Variants in PIK3C2A observed in about 807,000 individuals in gnomAD.
PIK3C2A encodes phosphatidylinositol 4-phosphate 3-kinase C2 domain-containing subunit alpha.
Under a neutral mutation model 204.5 loss-of-function variants are expected in PIK3C2A, and 97 were observed. The observed-to-expected ratio is 0.47, with a 90% confidence interval of 0.40 to 0.56. The LOEUF (loss-of-function observed/expected upper bound fraction) is 0.56. Among genes scored for constraint, PIK3C2A ranks in the 20% least tolerant of loss-of-function variants. The probability of loss-of-function intolerance (pLI) is 0.00; values close to 1 mark genes in which losing one functional copy is unlikely to be tolerated. For synonymous variants in PIK3C2A, 653 were observed against 664.4 expected (o/e 0.98, Z 0.26); for missense variants, 1,735 against 1,969.2 (o/e 0.88, Z 2.25).
At chr11:17,183,939 A>T (rs76968611) in intron 1 of PIK3C2A, among the ~76,000 whole-genome samples, 7 of 125,256 alleles carry the variant, frequency 5.6e-5, no homozygotes, top group Middle Eastern at 3.8e-3. Flanking sequence ...AACCCTCTTT[A>T]AAAAAAAAAA....
At chr11:17,151,450 CTGT>C (rs1850424462) in intron 3 of PIK3C2A, among the ~76,000 whole-genome samples, 1 of 152,108 alleles carries the variant, frequency 6.6e-6, no homozygotes, top group African/African-American at 2.4e-5. Flanking sequence ...ATACTTGCTT[CTGT>C]AGAGATTAAA....
At chr11:17,196,516 T>C (rs777630458) in intron 1 of PIK3C2A, among the ~76,000 whole-genome samples, 5 of 152,002 alleles carry the variant, frequency 3.3e-5, no homozygotes, top group Non-Finnish European at 4.4e-5. Flanking sequence ...GTAAATGAAA[T>C]AGGAGAAAAG....
intron 1 of PIK3C2A, among the ~76,000 whole-genome samples, chr11:17,179,872 A>C (rs556923081): frequency 4.6e-5 from 7 of 152,268 alleles, no homozygotes; most frequent in Non-Finnish European, 5.9e-5. Context: ...CAGCCTCCCA[A>C]ATCACTGGGA....
intron 1 of PIK3C2A, among the ~76,000 whole-genome samples, chr11:17,201,780 C>G (rs758072444): frequency 3.8e-4 from 58 of 151,982 alleles, no homozygotes; most frequent in Non-Finnish European, 7.6e-4. Flanking sequence ...TTTTCTTTCC[C>G]GTAACAAATT....
intron 32 of PIK3C2A, among the ~76,000 whole-genome samples, chr11:17,090,170 A>G (rs1011592111): frequency 2.6e-5 from 4 of 152,200 alleles, no homozygotes; most frequent in Non-Finnish European, 5.9e-5. Context: ...ATCATTAGCT[A>G]AAAAATAAAA....
chr11:17,158,590 T>C (rs1850678451), intron 2 of PIK3C2A, among the ~76,000 whole-genome samples: 1 of 152,000 alleles, frequency 6.6e-6, no homozygotes, highest in South Asian at 2.1e-4. Context: ...ATCACCATGC[T>C]AATCTGTCTC....
chr11:17,184,970 AAAAT>A (rs1306274962), intron 1 of PIK3C2A, among the ~76,000 whole-genome samples: 1 of 152,046 alleles, frequency 6.6e-6, no homozygotes, highest in East Asian at 1.9e-4. Flanking sequence ...TAAAAAGAAA[AAAAT>A]ATATATTTTT....
chr11:17,101,888 C>T (rs941371447), intron 24 of PIK3C2A, among the ~76,000 whole-genome samples: 2 of 151,900 alleles, frequency 1.3e-5, no homozygotes, highest in African/African-American at 4.8e-5. Context: ...CAGGCGTGAG[C>T]CACTGCACCC....
chr11:17,092,099 TTAAA>T, intron 29 of PIK3C2A, 31 bp from the exon 30 acceptor site: 1 of 1,531,704 alleles, frequency 6.5e-7, no homozygotes, highest in Non-Finnish European at 9.0e-7. Context: ...ATTCATTAGT[TTAAA>T]TATTATGTAA....
intron 1 of PIK3C2A, among the ~76,000 whole-genome samples, chr11:17,183,510 T>C (rs1353009601): frequency 6.6e-6 from 1 of 151,902 alleles, no homozygotes; most frequent in African/African-American, 2.4e-5. Flanking sequence ...ACCCCGTCTC[T>C]ACTAAAAATA....
chr11:17,117,440 G>C (rs376094273), intron 19 of PIK3C2A, 51 bp downstream of exon 19: 28 of 1,295,348 alleles, frequency 2.2e-5, no homozygotes, highest in Middle Eastern at 1.9e-4. Context: ...GCACCATAAA[G>C]ATCCTTCCTT....
intron 22 of PIK3C2A, 113 bp from the exon 23 acceptor site, chr11:17,105,418 G>T: frequency 1.2e-6 from 1 of 838,856 alleles, no homozygotes; most frequent in Non-Finnish European, 1.8e-6. Flanking sequence ...TGGGATACAC[G>T]TGCAGAATGT....
At chr11:17,121,380 G>C (rs570969585) in intron 15 of PIK3C2A, among the ~76,000 whole-genome samples, 1 of 152,236 alleles carries the variant, frequency 6.6e-6, no homozygotes, top group South Asian at 2.1e-4. Flanking sequence ...GCCTTCCAAA[G>C]TGTCAAGAGT....
At chr11:17,143,065 A>T (rs1850118050) in intron 8 of PIK3C2A, among the ~76,000 whole-genome samples, 1 of 151,872 alleles carries the variant, frequency 6.6e-6, no homozygotes, top group South Asian at 2.1e-4. Context: ...GATGATTTCC[A>T]AGTTTATTAT....
At position 17,158,042 on chromosome 11, in the gene PIK3C2A, CAT is replaced by C. The variant is rs1472236242; in HGVS notation, c.1066-2415_1066-2414del. On this transcript the variant is annotated intron_variant, in intron 2 of 32. Transcript: ENST00000691414. ...CCTTCCTCTTAAACTTCCTTCACCA[CAT>C]GTGTCAAAAATCTATTAATTTTTGG... Among the ~76,000 whole-genome samples the C allele has an allele frequency of 2.6e-5, 4 of 151,756 alleles. No homozygotes were observed. In the East Asian group the frequency reaches 5.8e-4, roughly 22 times the overall value.
chr11:17,138,930 G>A lies in PIK3C2A; in HGVS notation c.1705-2305C>T, dbSNP rs545654773. Reference sequence around the variant, plus strand: ...ATTAATGATTTTTTTTTTTTGAGACGAAATCTCGCTTTTGTCCCCCAGGCT... The same window carrying A: ...ATTAATGATTTTTTTTTTTTGAGACAAAATCTCGCTTTTGTCCCCCAGGCT... On this transcript the variant is annotated intron_variant, in intron 8 of 32. Coordinates refer to ENST00000691414, the MANE Select transcript of PIK3C2A (RefSeq NM_002645.4). Among the ~76,000 whole-genome samples the A allele has an allele frequency of 4.6e-5, 7 of 151,186 alleles. No individual in the cohort carries two copies. The South Asian group carries it at 6.2e-4, about 13-fold the overall frequency.
Position 17,119,268 on chromosome 11 carries a change from C to T in PIK3C2A, c.2892G>A (p.Glu964=). The stretch of plus-strand genomic sequence containing the variant: ...CTGTTAGCTCATCATCACTAATGGC[C>T]TCAATCCAGGTCACAGCTAGGGATC... ...EVRSLAVTWI[E]AISDDELTDL... is the part of the protein sequence containing the mutation. Residue 964 remains glutamate (E), a synonymous_variant, in exon 17 of 33, where the codon GAG becomes GAA. Coordinates refer to ENST00000691414, the MANE Select transcript of PIK3C2A (RefSeq NM_002645.4). 6.2e-7 allele frequency: 1 copy of T among 1,609,510 alleles called. No individual in the cohort carries two copies. The highest frequency in any genetic ancestry group is 8.5e-7 in the Non-Finnish European group (1 of 1,176,720).
At chr11:17,203,943 G>A (rs937353029) in intron 1 of PIK3C2A, among the ~76,000 whole-genome samples, 11 of 152,116 alleles carry the variant, frequency 7.2e-5, no homozygotes, top group Admixed American at 1.3e-4. Flanking sequence ...GCGTGGTGGC[G>A]GGCGCCTGTA....
chr11:17,139,154 C>A (rs1849971684), intron 8 of PIK3C2A, among the ~76,000 whole-genome samples: 1 of 152,024 alleles, frequency 6.6e-6, no homozygotes, highest in Admixed American at 6.5e-5. Context: ...CTCAGGTGAT[C>A]CACCTGCCTC....
Sources: gnomAD v4.1 joint callset for allele counts (sites outside exome capture counted in the v4.1 genomes callset) on GRCh38, gnomAD v4.1.1 for gene constraint, MANE v1.5 for transcripts, NCBI Gene and HGNC (gene_info 2026-07-23, HGNC 2026-07-21) for gene names.